The following TNIP3 variants were observed in gnomAD, a reference collection of about 807,000 sequenced individuals.
TNIP3 encodes the protein TNFAIP3-interacting protein 3.
In TNIP3, 34 loss-of-function variants were observed where a neutral mutation model predicts 54.1. The ratio of observed to expected loss-of-function variants is 0.63; its 90% CI spans 0.48 to 0.84. The LOEUF (loss-of-function observed/expected upper bound fraction) is 0.84, where lower values mean the gene tolerates loss of function less well. Ranked by LOEUF, TNIP3 falls within the 40% of genes least tolerant of loss-of-function variation. The probability of loss-of-function intolerance (pLI) is 0.00; values close to 1 mark genes in which losing one functional copy is unlikely to be tolerated. For missense variants in TNIP3, 366 were observed against 387.6 expected (o/e 0.94, Z 0.47); for synonymous variants, 134 against 136.8 (o/e 0.98, Z 0.14).
intron 5 of TNIP3, chr4:121,154,333 A>G (rs1171749563): frequency 1.9e-6 from 1 of 512,988 alleles, no homozygotes; most frequent in African/African-American, 2.0e-5. Flanking sequence ...CTTTCTCATG[A>G]TGAATCTTTG....
chr4:121,188,558 C>T (rs116058917), intron 2 of TNIP3, among the ~76,000 whole-genome samples: 4 of 152,246 alleles, frequency 2.6e-5, no homozygotes, highest in African/African-American at 4.8e-5. Context: ...TTAATGAGCT[C>T]ATCTAAAGTT....
At position 121,176,326 on chromosome 4, in the gene TNIP3, C is replaced by T. The variant is rs538575438; in HGVS notation, c.189+6350G>A. Among the ~76,000 whole-genome samples, 103 of 152,262 alleles carry T rather than the reference C, an allele frequency of 6.8e-4. 1 individual carries two copies. Among genetic ancestry groups the T allele is most frequent in the African/African-American group, 2.3e-3 (97 of 41,556 alleles). On this transcript the variant is annotated intron_variant, in intron 3 of 12. Coordinates refer to the TNIP3 transcript ENST00000507879. ...TTTTCAGCCAGGTGTCCAAAGGTTT[C>T]CCAGTGAAAGCTAAACAGATCCTCA...
At chr4:121,173,241 G>GGGAA (rs559516586) in intron 3 of TNIP3, among the ~76,000 whole-genome samples, 315 of 152,294 alleles carry the variant, frequency 2.1e-3, no homozygotes, top group African/African-American at 7.2e-3. Flanking sequence ...ATATGATTCA[G>GGGAA]GGAAGTTTTA....
chr4:121,196,554 C>A (rs1036257466), intron 2 of TNIP3, among the ~76,000 whole-genome samples: 1 of 151,324 alleles, frequency 6.6e-6, no homozygotes, highest in Non-Finnish European at 1.5e-5. Context: ...AAGAATTTGT[C>A]ACATTTTTTT....
upstream of TNIP3, among the ~76,000 whole-genome samples, chr4:121,218,775 G>A (rs1168820812): frequency 7.6e-6 from 1 of 131,424 alleles, no homozygotes; most frequent in Admixed American, 7.0e-5. Flanking sequence ...AGGATCCTGA[G>A]TAGCTGGGAC....
intron 1 of TNIP3, among the ~76,000 whole-genome samples, chr4:121,222,480 C>T (rs1295977940): frequency 6.6e-6 from 1 of 152,130 alleles, no homozygotes; most frequent in African/African-American, 2.4e-5. Flanking sequence ...CTCTGAGCCC[C>T]ACTGTCCTTA....
upstream of TNIP3, among the ~76,000 whole-genome samples, chr4:121,166,622 A>C (rs1197173687): frequency 6.6e-6 from 1 of 152,242 alleles, no homozygotes; most frequent in African/African-American, 2.4e-5. Context: ...AAATGTGGTA[A>C]AGGAACAAGG....
chr4:121,217,190 T>C (rs149349296), upstream of TNIP3, among the ~76,000 whole-genome samples: 99 of 152,320 alleles, frequency 6.5e-4, 2 homozygotes, highest in Middle Eastern at 6.8e-3. Context: ...ATTGAAGAAT[T>C]TGAAGAATTG....
intron 3 of TNIP3, among the ~76,000 whole-genome samples, chr4:121,176,232 G>A (rs753361273): frequency 6.6e-6 from 1 of 152,218 alleles, no homozygotes; most frequent in East Asian, 1.9e-4. Flanking sequence ...AGTAATGAGC[G>A]TCAAATGCCA....
rs10561132 is a variant in TNIP3, at chr4:121,132,213, AACACACACACACACACACACACAC to A, written c.*394_*417del. On this transcript the variant is annotated 3_prime_UTR_variant, in exon 11 of 11. Transcript: ENST00000057513. ...AACTGCAGAAATTTTTACCCCAGGAAACACACACACACACACACACACACACACACACACACACATATGCACTTT... is the reference window on the plus strand; with the variant it reads ...AACTGCAGAAATTTTTACCCCAGGAAACACACACACACACATATGCACTTT... 1 of 147,018 alleles carries A rather than the reference AACACACACACACACACACACACAC, an allele frequency of 6.8e-6. No homozygotes were observed. The highest frequency in any genetic ancestry group is 1.5e-5 in the Non-Finnish European group (1 of 67,238). 9.1% of individuals were successfully genotyped at this position (147,018 alleles called of 1,614,324 possible). A position where few individuals can be genotyped will look rare whatever the true frequency, so the allele number is the denominator to read the frequency against.
At chr4:121,218,370 A>G (rs1393360479), upstream of TNIP3, among the ~76,000 whole-genome samples, 1 of 152,182 alleles carries the variant, frequency 6.6e-6, no homozygotes, top group Non-Finnish European at 1.5e-5. Flanking sequence ...TAGTTTACTG[A>G]ACATTGTATT....
Position 121,141,131 on chromosome 4 carries a change from A to AT in TNIP3, c.885+684dup, listed in dbSNP as rs1274424580. Among the ~76,000 whole-genome samples, 5 of 152,224 alleles carry AT rather than the reference A, an allele frequency of 3.3e-5. No homozygotes were observed. The East Asian group carries it at 5.8e-4, about 18-fold the overall frequency. On this transcript the variant is annotated intron_variant, in intron 9 of 10. Coordinates refer to ENST00000057513, the MANE Select transcript of TNIP3 (RefSeq NM_024873.6). ...TAAATCCAAAATGCAGAAAATGCAT[A>AT]TTTTTTTCCTGGATAAATTTCTATC...
intron 7 of TNIP3, among the ~76,000 whole-genome samples, chr4:121,146,771 A>G (rs765843383): frequency 1.3e-5 from 2 of 152,198 alleles, no homozygotes; most frequent in African/African-American, 4.8e-5. Flanking sequence ...CATTCTACCA[A>G]GATAAATATT....
At chr4:121,132,807 T>A (rs1728552811) in intron 10 of TNIP3, 145 bp from the exon 11 acceptor site, 1 of 664,486 alleles carries the variant, frequency 1.5e-6, no homozygotes, top group Non-Finnish European at 2.6e-6. Context: ...AAGTTTACAC[T>A]GAGAAATCAA....
At chr4:121,206,296 A>G (rs1489798638) in intron 2 of TNIP3, among the ~76,000 whole-genome samples, 1 of 152,182 alleles carries the variant, frequency 6.6e-6, no homozygotes, top group Non-Finnish European at 1.5e-5. Flanking sequence ...CTTAATCAAA[A>G]TGAACCTTTT....
intron 6 of TNIP3, 147 bp from the exon 7 acceptor site, chr4:121,147,321 TC>T (rs1729490379): frequency 2.1e-6 from 2 of 940,086 alleles, no homozygotes; most frequent in South Asian, 4.6e-5. Context: ...GAGCAAGTCA[TC>T]CATCCCTAAC....
rs530577518 is a variant in TNIP3 at position 121,206,072 on chromosome 4, A to T, written c.68+10343T>A. Among the ~76,000 whole-genome samples, 37 of 152,286 alleles carry T rather than the reference A, an allele frequency of 2.4e-4. No individual in the cohort carries two copies. The South Asian group carries it at 7.5e-3, about 31-fold the overall frequency. On this transcript the variant is annotated intron_variant, in intron 2 of 12. Coordinates refer to the TNIP3 transcript ENST00000507879. ...CAGCATGGGGGTAACTACTCCCATGATTCAATTACCTCCCACTGGGTCCCT... is the reference window on the plus strand; with the variant it reads ...CAGCATGGGGGTAACTACTCCCATGTTTCAATTACCTCCCACTGGGTCCCT...
At chr4:121,138,096 G>T in intron 10 of TNIP3, 1 of 406,418 alleles carries the variant, frequency 2.5e-6, no homozygotes, top group South Asian at 1.8e-5. Flanking sequence ...CTTCATAAGT[G>T]ACTTTTAGTT....
In TNIP3 at chr4:121,195,241, C is replaced by T. The variant is rs117295880; in HGVS notation, c.69-12445G>A. 8.9e-4 allele frequency among the ~76,000 whole-genome samples: 136 copies of T among 152,266 alleles called. No individual in the cohort carries two copies. The East Asian group carries it at 0.016, about 18-fold the overall frequency. On this transcript the variant is annotated intron_variant, in intron 2 of 12. Transcript: ENST00000507879. ...AACGTCTTTGAGTAACCCCCATACACCTTCAAAATCAACTGTCTATATGCT... is the reference window on the plus strand; with the variant it reads ...AACGTCTTTGAGTAACCCCCATACATCTTCAAAATCAACTGTCTATATGCT...
Sources: allele counts gnomAD v4.1 joint callset (sites outside exome capture counted in the v4.1 genomes callset), GRCh38; gene constraint gnomAD v4.1.1; transcripts MANE v1.5; gene names NCBI Gene and HGNC (gene_info 2026-07-23, HGNC 2026-07-21).